IFFO2: variants seen among roughly 807,000 people sequenced by gnomAD.
IFFO2 encodes intermediate filament family orphan 2.
In IFFO2, 19 loss-of-function variants were observed where a neutral mutation model predicts 53.5. The ratio of observed to expected loss-of-function variants is 0.36; its 90% CI spans 0.25 to 0.52. The LOEUF is 0.52. Among genes scored for constraint, IFFO2 ranks in the 20% least tolerant of loss-of-function variants. The pLI is 0.94. For synonymous variants in IFFO2, 303 were observed against 313.6 expected (o/e 0.97, Z 0.36); for missense variants, 570 against 727.4 (o/e 0.78, Z 2.49).
Position 18,918,618 on chromosome 1 carries a change from G to C in IFFO2, c.823-116C>G. The C allele has an allele frequency of 9.4e-7, 1 of 1,060,678 alleles. No individual in the cohort carries two copies. The allele number at this position is 1,060,678 out of a possible 1,614,324, so 65.7% of individuals were successfully genotyped here. On this transcript the variant is annotated intron_variant, in intron 3 of 8. Transcript: ENST00000455833. This position sits in a 1 kb window ranked among gnomAD's most constrained non-coding sequence, Gnocchi z 5.2. ...CAGGGGTGGTGCGGGGAGGCCTCCA[G>C]AGTCCGAGGGTGCCTTGGGCTTTTC...
chr1:18,913,998 A>AT (rs1035061615), intron 5 of IFFO2, among the ~76,000 whole-genome samples: 12 of 151,746 alleles, frequency 7.9e-5, no homozygotes, highest in African/African-American at 1.7e-4. Flanking sequence ...CGCCCGGCTA[A>AT]TTTTTTGTAT....
chr1:18,955,207 T>C lies in IFFO2; in HGVS notation c.665+461A>G, dbSNP rs978859944. On this transcript the variant is annotated intron_variant, in intron 1 of 8. Coordinates refer to ENST00000455833, the MANE Select transcript of IFFO2 (RefSeq NM_001136265.2). ...CCTACTTCCTTGGTAAAAATACTTA[T>C]GCTAGGAGACAGACTAGCCAGGAGT... 3.3e-5 allele frequency among the ~76,000 whole-genome samples: 5 copies of C among 152,186 alleles called. No individual in the cohort carries two copies. The East Asian group carries it at 7.7e-4, about 23-fold the overall frequency.
chr1:18,908,704 G>T, intron 8 of IFFO2, 38 bp from the exon 9 acceptor site: 6 of 1,448,676 alleles, frequency 4.1e-6, no homozygotes, highest in Non-Finnish European at 5.7e-6. Context: ...TCAGAGAGCA[G>T]CCCTGGGCCT....
At position 18,947,244 on chromosome 1, in the gene IFFO2, G is replaced by A. The variant is rs1456829622; in HGVS notation, c.665+8424C>T. Among the ~76,000 whole-genome samples, 1 of 152,236 alleles carries A rather than the reference G, an allele frequency of 6.6e-6. No homozygotes were observed. Among genetic ancestry groups the A allele is most frequent in the African/African-American group, 2.4e-5 (1 of 41,456 alleles). Reference sequence around the variant, plus strand: ...CAAAAGCTAGGGATACTCCAGCCCAGGGCGGAGGCGAGCTCCCAAACAGCC... The same window carrying A: ...CAAAAGCTAGGGATACTCCAGCCCAAGGCGGAGGCGAGCTCCCAAACAGCC... On this transcript the variant is annotated intron_variant, in intron 1 of 8. Transcript: ENST00000455833. The surrounding 1 kb of genome is among the most constrained non-coding windows in gnomAD (Gnocchi z 5.0).
Position 18,956,285 on chromosome 1 carries a change from G to A in IFFO2, c.48C>T (p.Cys16=). Residue 16 remains cysteine (C), a synonymous_variant, in exon 1 of 9, where the codon TGC becomes TGT. Transcript: ENST00000455833. The surrounding 1 kb of genome is among the most constrained non-coding windows in gnomAD (Gnocchi z 6.4). ...AGCCCCCGCCGCCGCCGCCCGGCGG[G>A]CAGCCGAAGGCCAAGGCCATCTCCC... The part of the protein sequence containing the change: ...LFGEMALAFG[C]PPGGGGGGCP... The A allele has an allele frequency of 2.9e-6, 2 of 684,848 alleles. No individual in the cohort carries two copies. The highest frequency in any genetic ancestry group is 1.9e-6 in the Non-Finnish European group (1 of 530,532). 42.4% of individuals were successfully genotyped at this position (684,848 alleles called of 1,614,324 possible). A position where few individuals can be genotyped will look rare whatever the true frequency, so the allele number is the denominator to read the frequency against.
At chr1:18,942,007 T>C (rs1226727407) in intron 1 of IFFO2, among the ~76,000 whole-genome samples, 1 of 152,154 alleles carries the variant, frequency 6.6e-6, no homozygotes, top group Non-Finnish European at 1.5e-5. Context: ...GGACATGACC[T>C]CCTCCTGGCT....
At chr1:18,952,204 G>A (rs761004410) in intron 1 of IFFO2, among the ~76,000 whole-genome samples, 4 of 152,168 alleles carry the variant, frequency 2.6e-5, no homozygotes, top group Non-Finnish European at 5.9e-5. Flanking sequence ...GAGTAGAGAT[G>A]TTTGTTTTGG....
intron 1 of IFFO2, among the ~76,000 whole-genome samples, chr1:18,941,237 T>C (rs1193702483): frequency 6.6e-6 from 1 of 152,236 alleles, no homozygotes; most frequent in Non-Finnish European, 1.5e-5. Context: ...AAGATGGCGA[T>C]AGAATTATGA....
chr1:18,910,293 C>A, intron 8 of IFFO2, 49 bp downstream of exon 8: 1 of 1,557,902 alleles, frequency 6.4e-7, no homozygotes, highest in Non-Finnish European at 8.7e-7. Context: ...CTTGGGAATT[C>A]CCCTCCAAGG....
rs547415564 is a variant in IFFO2 at position 18,928,366 on chromosome 1, G to A, written c.666-7245C>T. 6.6e-6 allele frequency among the ~76,000 whole-genome samples: 1 copy of A among 152,354 alleles called. No individual in the cohort carries two copies. Among genetic ancestry groups the A allele is most frequent in the East Asian group, 1.9e-4 (1 of 5,186 alleles). On this transcript the variant is annotated intron_variant, in intron 1 of 8. Coordinates refer to ENST00000455833, the MANE Select transcript of IFFO2 (RefSeq NM_001136265.2). The surrounding 1 kb of genome is among the most constrained non-coding windows in gnomAD (Gnocchi z 4.9). ...AAGACAAATTAAATGCCAACTGATTGTCTCCACGGAGGAGGTATTAATTTA... is the reference window on the plus strand; with the variant it reads ...AAGACAAATTAAATGCCAACTGATTATCTCCACGGAGGAGGTATTAATTTA...
At position 18,908,452 on chromosome 1, in the gene IFFO2, G is replaced by A. The variant is rs1262183341; in HGVS notation, c.*109C>T. 1.3e-6 allele frequency: 1 copy of A among 754,336 alleles called. No individual in the cohort carries two copies. The allele number at this position is 754,336 out of a possible 1,614,324, so 46.7% of individuals were successfully genotyped here. A position where few individuals can be genotyped will look rare whatever the true frequency, so the allele number is the denominator to read the frequency against. ...CTCCAGAGAAGGGAGGGCAGAGAAAGTCTGTGTGGTGTGGCTTCGAACCCC... is the reference window on the plus strand; with the variant it reads ...CTCCAGAGAAGGGAGGGCAGAGAAAATCTGTGTGGTGTGGCTTCGAACCCC... On this transcript the variant is annotated 3_prime_UTR_variant, in exon 9 of 9. Coordinates refer to ENST00000455833, the MANE Select transcript of IFFO2 (RefSeq NM_001136265.2).
At chr1:18,955,585 G>C (rs937110043) in intron 1 of IFFO2, 83 bp downstream of exon 1, 3 of 1,467,016 alleles carry the variant, frequency 2.0e-6, no homozygotes, top group Admixed American at 4.8e-5. Context: ...TGCCCGCCCG[G>C]CCCCCGTCCC....
rs376726393 is a variant in IFFO2, at chr1:18,928,432, G to A, written c.666-7311C>T. On this transcript the variant is annotated intron_variant, in intron 1 of 8. Transcript: ENST00000455833. The surrounding 1 kb of genome is among the most constrained non-coding windows in gnomAD (Gnocchi z 4.9). ...CAGGGCAGCCGATTCCATTACAGGC[G>A]GGCAGTAATGGCCTGAGCAGGACGG... Among the ~76,000 whole-genome samples, 11 of 152,212 alleles carry A rather than the reference G, an allele frequency of 7.2e-5. No homozygotes were observed. The East Asian group carries it at 1.2e-3, about 16-fold the overall frequency.
At chr1:18,934,888 A>C (rs896425637) in intron 1 of IFFO2, among the ~76,000 whole-genome samples, 2 of 152,214 alleles carry the variant, frequency 1.3e-5, no homozygotes, top group African/African-American at 4.8e-5. Context: ...GAGTCCTTGC[A>C]ATCTAAACAA....
Position 18,918,278 on chromosome 1 carries a change from A to G in IFFO2, c.963+84T>C, listed in dbSNP as rs1388235540. On this transcript the variant is annotated intron_variant, in intron 4 of 8. Coordinates refer to ENST00000455833, the MANE Select transcript of IFFO2 (RefSeq NM_001136265.2). This position sits in a 1 kb window ranked among gnomAD's most constrained non-coding sequence, Gnocchi z 5.2. ...AGGGAGTGAGTGGGATGTGGAGGCA[A>G]ACGGGTTGGCCGGGCAGGGGTGGAG... The G allele has an allele frequency of 1.1e-5, 16 of 1,397,738 alleles. No individual in the cohort carries two copies. The highest frequency in any genetic ancestry group is 1.5e-5 in the Non-Finnish European group (15 of 1,020,698). 86.6% of individuals were successfully genotyped at this position (1,397,738 alleles called of 1,614,324 possible).
At position 18,956,046 on chromosome 1, in the gene IFFO2, A is replaced by G; in HGVS notation, c.287T>C (p.Leu96Pro). The change falls in exon 1 of 9, where the codon CTG (leucine) becomes CCG (proline). Residue 96 changes from leucine (L) to proline (P), a missense_variant. By Grantham distance (98) the Leu-to-Pro change is moderately conservative. Coordinates refer to ENST00000455833, the MANE Select transcript of IFFO2 (RefSeq NM_001136265.2). The surrounding 1 kb of genome is among the most constrained non-coding windows in gnomAD (Gnocchi z 6.4). Reference protein sequence around the residue: ...EQQQSERERRLRYKTFSREQA... With the variant: ...EQQQSERERRPRYKTFSREQA... Reference sequence around the variant, plus strand: ...CTCGCGGGAGAAGGTCTTGTAGCGCAGCCGCCGCTCGCGCTCGCTCTGCTG... The same window carrying G: ...CTCGCGGGAGAAGGTCTTGTAGCGCGGCCGCCGCTCGCGCTCGCTCTGCTG... 1.4e-6 allele frequency: 2 copies of G among 1,467,796 alleles called. No homozygotes were observed. Among genetic ancestry groups the G allele is most frequent in the African/African-American group, 1.5e-5 (1 of 68,346 alleles). The allele number at this position is 1,467,796 out of a possible 1,614,324, so 90.9% of individuals were successfully genotyped here.
chr1:18,908,201 G>A lies in IFFO2; in HGVS notation c.*360C>T. On this transcript the variant is annotated 3_prime_UTR_variant, in exon 9 of 9. Coordinates refer to ENST00000455833, the MANE Select transcript of IFFO2 (RefSeq NM_001136265.2). ...GCCGGTTGGCCCGGCCCTCAGCTTA[G>A]AGTTCTGTATAAAAACACCTGCTAG... 3.8e-6 allele frequency: 1 copy of A among 260,926 alleles called. No individual in the cohort carries two copies. The highest frequency in any genetic ancestry group is 8.8e-5 in the East Asian group (1 of 11,384). 16.2% of individuals were successfully genotyped at this position (260,926 alleles called of 1,614,324 possible).
At chr1:18,945,583 G>A (rs1471263699) in intron 1 of IFFO2, among the ~76,000 whole-genome samples, 4 of 152,250 alleles carry the variant, frequency 2.6e-5, no homozygotes, top group Non-Finnish European at 2.9e-5. Context: ...TCTCTCCATC[G>A]AGCAGCAGAT....
rs1022745708 is a variant in IFFO2 at position 18,936,095 on chromosome 1, A to G, written c.666-14974T>C. On this transcript the variant is annotated intron_variant, in intron 1 of 8. Transcript: ENST00000455833. The surrounding 1 kb of genome is among the most constrained non-coding windows in gnomAD (Gnocchi z 4.5). ...AGCCTGGCACATAGGAGGCCCCATA[A>G]ATATTCACTGGATTAAAAAGGCCCA... Among the ~76,000 whole-genome samples, 3 of 151,848 alleles carry G rather than the reference A, an allele frequency of 2.0e-5. No individual in the cohort carries two copies. The highest frequency in any genetic ancestry group is 2.9e-5 in the Non-Finnish European group (2 of 67,956).
Sources: gnomAD v4.1 joint callset for allele counts (sites outside exome capture counted in the v4.1 genomes callset) on GRCh38, gnomAD v4.1.1 for gene constraint, Gnocchi (gnomAD v3.1) non-coding constraint, MANE v1.5 for transcripts, NCBI Gene and HGNC (gene_info 2026-07-23, HGNC 2026-07-21) for gene names.